Variants in PAAF1 observed in about 807,000 individuals in gnomAD.
PAAF1 encodes proteasomal ATPase associated factor 1.
PAAF1 carries 46 observed loss-of-function variants against 52.8 expected under a neutral mutation model. That is an observed-to-expected ratio of 0.87 (90% CI 0.69 to 1.11). PAAF1 has a LOEUF of 1.11. PAAF1 is among the 50% of genes most tolerant of loss of function. The pLI, the probability that PAAF1 is intolerant of heterozygous loss-of-function variation, is 0.00. For synonymous variants in PAAF1, 178 were observed against 172.8 expected, an observed-to-expected ratio of 1.03 and a Z score of -0.24; for missense variants, 424 against 477.4, an observed-to-expected ratio of 0.89 and a Z score of 1.04.
chr11:73,897,858 C>G (rs1020953010), intron 4 of PAAF1, among the ~76,000 whole-genome samples: 6 of 143,868 alleles, frequency 4.2e-5, no homozygotes, highest in Non-Finnish European at 7.5e-5. Flanking sequence ...TGTAGCGAGC[C>G]GAGATCACAC....
At chr11:73,898,216 G>A (rs1268178093) in intron 4 of PAAF1, among the ~76,000 whole-genome samples, 1 of 143,854 alleles carries the variant, frequency 7.0e-6, no homozygotes, top group African/African-American at 2.5e-5. Context: ...GAGGGGAAGG[G>A]GGAGGGAGAG....
At chr11:73,907,538 G>A (rs1451317731) in intron 6 of PAAF1, among the ~76,000 whole-genome samples, 1 of 152,168 alleles carries the variant, frequency 6.6e-6, no homozygotes, top group African/African-American at 2.4e-5. Flanking sequence ...CTGACACCTG[G>A]GAAGGGGTGG....
At position 73,909,430 on chromosome 11, in the gene PAAF1, G is replaced by A. The variant is rs369612455; in HGVS notation, c.564G>A (p.Gly188=). ...TGGATACAGCCATCGTTGATCGGGG[G>A]AGGAATGTGGTGTCTGCTTCTCGAG... ...GILDTAIVDR[G]RNVVSASRDG... The change falls in exon 7 of 12, where the codon GGG becomes GGA. Residue 188 remains glycine (G), a synonymous_variant. Transcript: ENST00000310571. The A allele has an allele frequency of 3.7e-6, 6 of 1,613,990 alleles. No homozygotes were observed. The African/African-American group carries it at 8.0e-5, about 22-fold the overall frequency.
At chr11:73,922,192 T>C in intron 10 of PAAF1, 1 of 865,902 alleles carries the variant, frequency 1.2e-6, no homozygotes, top group Non-Finnish European at 1.9e-6. Context: ...TAAGCTGGCA[T>C]CTTGGTGGCG....
intron 7 of PAAF1, among the ~76,000 whole-genome samples, chr11:73,913,706 A>G (rs1411608838): frequency 6.6e-6 from 1 of 151,872 alleles, no homozygotes; most frequent in Non-Finnish European, 1.5e-5. Flanking sequence ...AAAAGAAAAA[A>G]AAAAAGAAAA....
chr11:73,896,627 A>C (rs1222244567), intron 4 of PAAF1, among the ~76,000 whole-genome samples: 3 of 152,078 alleles, frequency 2.0e-5, no homozygotes, highest in African/African-American at 7.2e-5. Flanking sequence ...AAGGTCACCG[A>C]TCAACAGGAT....
chr11:73,898,598 C>G (rs1413027759), intron 4 of PAAF1, among the ~76,000 whole-genome samples: 1 of 152,110 alleles, frequency 6.6e-6, no homozygotes, highest in Non-Finnish European at 1.5e-5. Context: ...GGGAGAATCA[C>G]TTGAGCTCAG....
chr11:73,914,973 G>GGGAGTACA (rs1436480586), intron 8 of PAAF1, among the ~76,000 whole-genome samples: 3 of 152,068 alleles, frequency 2.0e-5, no homozygotes, highest in Non-Finnish European at 2.9e-5. Context: ...CCAAAGTACT[G>GGGAGTACA]GGAGTACAGA....
At chr11:73,923,306 C>T (rs1201888000) in intron 10 of PAAF1, among the ~76,000 whole-genome samples, 4 of 151,992 alleles carry the variant, frequency 2.6e-5, no homozygotes, top group Admixed American at 6.6e-5. Context: ...TGATTCTTTT[C>T]CAGGTCTTTA....
chr11:73,911,777 G>A (rs925918536), intron 7 of PAAF1, among the ~76,000 whole-genome samples: 3 of 151,904 alleles, frequency 2.0e-5, no homozygotes, highest in African/African-American at 7.3e-5. Flanking sequence ...GGGATTACGG[G>A]TGCCCACCAC....
chr11:73,899,887 A>G (rs1018333088), intron 5 of PAAF1, among the ~76,000 whole-genome samples: 10 of 152,150 alleles, frequency 6.6e-5, no homozygotes, highest in Non-Finnish European at 1.5e-4. Flanking sequence ...GACTGAATCT[A>G]TGGCTGAGCC....
intron 2 of PAAF1, chr11:73,879,478 A>G (rs1948833159): frequency 1.3e-5 from 2 of 152,224 alleles, no homozygotes; most frequent in African/African-American, 4.8e-5. Flanking sequence ...CCATTCTAAA[A>G]CAAATCAACC....
At chr11:73,879,608 G>A (rs3758932) in intron 2 of PAAF1, 19,079 of 152,044 alleles carry the variant, frequency 0.13, 1,288 homozygotes, top group Admixed American at 0.16. Flanking sequence ...GCTCACACCT[G>A]TAATCCTAGC....
At position 73,925,046 on chromosome 11, in the gene PAAF1, T is replaced by C. The variant is rs546396840; in HGVS notation, c.1101+349T>C. Among the ~76,000 whole-genome samples, 11 of 150,436 alleles carry C rather than the reference T, an allele frequency of 7.3e-5. No homozygotes were observed. In the East Asian group the frequency reaches 2.2e-3, roughly 30 times the overall value. On this transcript the variant is annotated intron_variant, in intron 11 of 11. Coordinates refer to ENST00000310571, the MANE Select transcript of PAAF1 (RefSeq NM_025155.3). ...GGTACATGCCTGTAGTTCCAGTTAC[T>C]TGGGAGGCTGAGGCAGGAGAATCGC...
rs1159703369 is a variant in PAAF1, at chr11:73,927,675, A to G, written c.*313A>G. 2.7e-6 allele frequency: 1 copy of G among 375,322 alleles called. No homozygotes were observed. The highest frequency in any genetic ancestry group is 2.1e-5 in the African/African-American group (1 of 48,736). 23.2% of individuals were successfully genotyped at this position (375,322 alleles called of 1,614,324 possible). A position where few individuals can be genotyped will look rare whatever the true frequency, so the allele number is the denominator to read the frequency against. On this transcript the variant is annotated 3_prime_UTR_variant, in exon 12 of 12. Transcript: ENST00000310571. Reference sequence around the variant, plus strand: ...CCAGTTTTGTTAAATGTTTACAAGGACCTCAGTACTAAAGCCTGTTCTCTG... The same window carrying G: ...CCAGTTTTGTTAAATGTTTACAAGGGCCTCAGTACTAAAGCCTGTTCTCTG...
chr11:73,922,188 G>T, intron 10 of PAAF1: 1 of 892,348 alleles, frequency 1.1e-6, no homozygotes, highest in Non-Finnish European at 1.8e-6. Flanking sequence ...GTGGTAAGCT[G>T]GCATCTTGGT....
rs769033401 is a variant in PAAF1, at chr11:73,918,992, A to G, written c.978A>G (p.Leu326=). 3 of 1,614,080 alleles carry G rather than the reference A, an allele frequency of 1.9e-6. No homozygotes were observed. The highest frequency in any genetic ancestry group is 2.2e-5 in the South Asian group (2 of 91,064). The change falls in exon 10 of 12, where the codon CTA becomes CTG. Residue 326 remains leucine (L), a synonymous_variant. Coordinates refer to ENST00000310571, the MANE Select transcript of PAAF1 (RefSeq NM_025155.3). ...TCCACAGATCAGGAGCACCAGTTCT[A>G]TCCCTGCTAAGTGTCAGAGATGGAT... is the stretch of plus-strand genomic sequence containing the variant. ...QVIHRSGAPV[L]SLLSVRDGFI... is the part of the protein sequence containing the mutation.
intron 4 of PAAF1, among the ~76,000 whole-genome samples, chr11:73,891,465 T>C (rs765282590): frequency 9.9e-5 from 15 of 152,146 alleles, no homozygotes; most frequent in Non-Finnish European, 2.1e-4. Flanking sequence ...GTTACCAGCT[T>C]TCAGATAATG....
At chr11:73,923,215 G>C (rs2135235021) in intron 10 of PAAF1, among the ~76,000 whole-genome samples, 1 of 152,022 alleles carries the variant, frequency 6.6e-6, no homozygotes, top group East Asian at 1.9e-4. Context: ...CGTATATGCT[G>C]CTGCTTGAAT....
Sources: gnomAD v4.1 joint callset for allele counts (sites outside exome capture counted in the v4.1 genomes callset) on GRCh38, gnomAD v4.1.1 for gene constraint, MANE v1.5 for transcripts, NCBI Gene and HGNC (gene_info 2026-07-23, HGNC 2026-07-21) for gene names.